Variants in MSH5 observed in about 807,000 individuals in gnomAD.
The protein encoded by MSH5 is mutS protein homolog 5.
Under a neutral mutation model 107.7 loss-of-function variants are expected in MSH5, and 78 were observed. The observed-to-expected ratio is 0.72, with a 90% confidence interval of 0.60 to 0.87. MSH5 has a LOEUF of 0.87. Among genes scored for constraint, MSH5 ranks in the 40% least tolerant of loss-of-function variants. MSH5 has a pLI of 0.00. For synonymous variants in MSH5, 326 were observed against 399.5 expected (o/e 0.82, Z 2.19); for missense variants, 889 against 1,046.6 (o/e 0.85, Z 2.08).
In MSH5 at chr6:31,740,416, C is replaced by T. The variant is rs368150060; in HGVS notation, c.-13-38C>T. 1 of 1,538,498 alleles carries T rather than the reference C, an allele frequency of 6.5e-7. No individual in the cohort carries two copies. Among genetic ancestry groups the T allele is most frequent in the Non-Finnish European group, 8.8e-7 (1 of 1,141,660 alleles). On this transcript the variant is annotated intron_variant, in intron 1 of 24. Transcript: ENST00000375750. This position sits in a 1 kb window ranked among gnomAD's most constrained non-coding sequence, Gnocchi z 4.4. Reference sequence around the variant, plus strand: ...CCCTACCCCGGCCTCCTCTGTGAATCGTTGCTTCCGAACCGCCCTCACTTT... The same window carrying T: ...CCCTACCCCGGCCTCCTCTGTGAATTGTTGCTTCCGAACCGCCCTCACTTT...
chr6:31,761,597 GC>G lies in MSH5; in HGVS notation c.2167del (p.Leu723TrpfsTer5), dbSNP rs1437592410. 2 of 1,613,986 alleles carry G rather than the reference GC, an allele frequency of 1.2e-6. No homozygotes were observed. Among genetic ancestry groups the G allele is most frequent in the African/African-American group, 2.7e-5 (2 of 74,928 alleles). ...TTCAGCTACAACTGCTGCCACAAGG[GC>G]CCCTGGTGCAGTATTTGGTGAGGAG... is the stretch of plus-strand genomic sequence containing the variant. ...LVQLQLLPQG[P>X]LVQYLTMETC... On this transcript the variant is annotated frameshift_variant, in exon 22 of 25. Transcript: ENST00000375750. LOFTEE classifies it high-confidence loss of function. The surrounding 1 kb of genome is among the most constrained non-coding windows in gnomAD (Gnocchi z 5.3).
chr6:31,740,398 C>G lies in MSH5; in HGVS notation c.-13-56C>G. On this transcript the variant is annotated intron_variant, in intron 1 of 24. Transcript: ENST00000375750. The surrounding 1 kb of genome is among the most constrained non-coding windows in gnomAD (Gnocchi z 4.4). ...TTTGCATTCTGCGCGCCACCCTACC[C>G]CGGCCTCCTCTGTGAATCGTTGCTT... The G allele has an allele frequency of 6.6e-7, 1 of 1,526,530 alleles. No individual in the cohort carries two copies. The highest frequency in any genetic ancestry group is 8.8e-7 in the Non-Finnish European group (1 of 1,134,686). 94.6% of individuals were successfully genotyped at this position (1,526,530 alleles called of 1,614,324 possible).
In MSH5 at chr6:31,759,288, T is replaced by G. The variant is rs1810748584; in HGVS notation, c.1407+111T>G. 1.4e-6 allele frequency: 2 copies of G among 1,381,122 alleles called. No individual in the cohort carries two copies. Among genetic ancestry groups the G allele is most frequent in the Non-Finnish European group, 2.1e-6 (2 of 970,574 alleles). The allele number at this position is 1,381,122 out of a possible 1,614,324, so 85.6% of individuals were successfully genotyped here. Reference sequence around the variant, plus strand: ...CAATATGGGATCTCTCCTCTGTAGTTTTACTCTGAGCTTTACCAGCACTGA... The same window carrying G: ...CAATATGGGATCTCTCCTCTGTAGTGTTACTCTGAGCTTTACCAGCACTGA... On this transcript the variant is annotated intron_variant, in intron 16 of 24. Coordinates refer to ENST00000375750, the MANE Select transcript of MSH5 (RefSeq NM_172166.4). This position sits in a 1 kb window ranked among gnomAD's most constrained non-coding sequence, Gnocchi z 4.7.
Position 31,758,416 on chromosome 6 carries a change from G to A in MSH5, c.1143+123G>A. ...ATAAAGAATGGGATGGTGGGAGGAG[G>A]CAGCAGAACTTCAGGGAAGTATCTG... On this transcript the variant is annotated intron_variant, in intron 13 of 24. Coordinates refer to ENST00000375750, the MANE Select transcript of MSH5 (RefSeq NM_172166.4). The surrounding 1 kb of genome is among the most constrained non-coding windows in gnomAD (Gnocchi z 5.1). 6.4e-7 allele frequency: 1 copy of A among 1,553,256 alleles called. No individual in the cohort carries two copies.
intron 3 of MSH5, among the ~76,000 whole-genome samples, 156 bp downstream of exon 3, chr6:31,741,442 A>C (rs1808897288): frequency 6.6e-6 from 1 of 151,434 alleles, no homozygotes; most frequent in Non-Finnish European, 1.5e-5. Context: ...GCAGTGGCGC[A>C]ATCTTGGCTC....
Position 31,759,233 on chromosome 6 carries a change from G to T in MSH5, c.1407+56G>T. 1 of 1,515,788 alleles carries T rather than the reference G, an allele frequency of 6.6e-7. No individual in the cohort carries two copies. The highest frequency in any genetic ancestry group is 9.2e-7 in the Non-Finnish European group (1 of 1,092,544). 93.9% of individuals were successfully genotyped at this position (1,515,788 alleles called of 1,614,324 possible). ...ATGAGGAAAATGAGTCAGCAGCTGA[G>T]GAAGAGCGTTACTCTACAGCAGCAC... On this transcript the variant is annotated intron_variant, in intron 16 of 24. Coordinates refer to ENST00000375750, the MANE Select transcript of MSH5 (RefSeq NM_172166.4). The surrounding 1 kb of genome is among the most constrained non-coding windows in gnomAD (Gnocchi z 4.7).
chr6:31,752,504 G>A (rs1038265166), intron 10 of MSH5, among the ~76,000 whole-genome samples: 5 of 152,022 alleles, frequency 3.3e-5, no homozygotes, highest in Non-Finnish European at 7.4e-5. Context: ...GGCAGATCAC[G>A]AGGTCAAGAG....
intron 10 of MSH5, among the ~76,000 whole-genome samples, chr6:31,750,529 C>A (rs1809856349): frequency 1.3e-5 from 2 of 152,210 alleles, no homozygotes; most frequent in South Asian, 4.1e-4. Context: ...TTCATTTTCT[C>A]AGTTGTTAAA....
chr6:31,743,658 A>G (rs1055508015), intron 5 of MSH5, among the ~76,000 whole-genome samples: 1 of 152,214 alleles, frequency 6.6e-6, no homozygotes, highest in Non-Finnish European at 1.5e-5. Flanking sequence ...ACAGATGTCT[A>G]CTTTCCTCAG....
At chr6:31,749,577 A>T (rs1809773776) in intron 10 of MSH5, among the ~76,000 whole-genome samples, 1 of 151,876 alleles carries the variant, frequency 6.6e-6, no homozygotes, top group Non-Finnish European at 1.5e-5. Flanking sequence ...TCAAGGTGCA[A>T]TCCAACTGTT....
At chr6:31,744,136 C>A in intron 6 of MSH5, 54 bp from the exon 7 acceptor site, 10 of 1,593,864 alleles carry the variant, frequency 6.3e-6, no homozygotes, top group Non-Finnish European at 8.5e-6. Context: ...TGGTGCTCTG[C>A]AGCCCCCAGG....
At position 31,761,356 on chromosome 6, in the gene MSH5, A is replaced by G; in HGVS notation, c.2037+94A>G. The G allele has an allele frequency of 1.1e-5, 17 of 1,605,318 alleles. No homozygotes were observed. The highest frequency in any genetic ancestry group is 2.2e-5 in the East Asian group (1 of 44,796). ...AGTGAGGCTGGGCCTCTGGAATGGAATAGGGCTGTGTGGGCAGAAAAGAAA... is the reference window on the plus strand; with the variant it reads ...AGTGAGGCTGGGCCTCTGGAATGGAGTAGGGCTGTGTGGGCAGAAAAGAAA... On this transcript the variant is annotated intron_variant, in intron 21 of 24. Transcript: ENST00000375750. This position sits in a 1 kb window ranked among gnomAD's most constrained non-coding sequence, Gnocchi z 5.3.
Position 31,740,646 on chromosome 6 carries a change from G to A in MSH5, c.147+33G>A. The A allele has an allele frequency of 6.9e-7, 1 of 1,459,820 alleles. No homozygotes were observed. The highest frequency in any genetic ancestry group is 9.0e-7 in the Non-Finnish European group (1 of 1,105,304). The allele number at this position is 1,459,820 out of a possible 1,614,324, so 90.4% of individuals were successfully genotyped here. A position where few individuals can be genotyped will look rare whatever the true frequency, so the allele number is the denominator to read the frequency against. ...AGGGGAGTAGAAACTTGAATGGAGAGTTGATGGGAAGTTAGAATAAAAGAG... is the reference window on the plus strand; with the variant it reads ...AGGGGAGTAGAAACTTGAATGGAGAATTGATGGGAAGTTAGAATAAAAGAG... On this transcript the variant is annotated intron_variant, in intron 2 of 24. Coordinates refer to ENST00000375750, the MANE Select transcript of MSH5 (RefSeq NM_172166.4). The surrounding 1 kb of genome is among the most constrained non-coding windows in gnomAD (Gnocchi z 4.4).
intron 12 of MSH5, 110 bp downstream of exon 12, chr6:31,753,739 T>C: frequency 9.0e-7 from 1 of 1,112,734 alleles, no homozygotes; most frequent in Non-Finnish European, 1.3e-6. Context: ...CCCTCTTTTT[T>C]TTTTTTTTGG....
Position 31,761,531 on chromosome 6 carries a change from A to G in MSH5, c.2097A>G (p.Thr699=). 2 of 1,613,800 alleles carry G rather than the reference A, an allele frequency of 1.2e-6. No homozygotes were observed. Among genetic ancestry groups the G allele is most frequent in the South Asian group, 1.1e-5 (1 of 91,084 alleles). Residue 699 remains threonine, a synonymous_variant, in exon 22 of 25, where the codon ACA becomes ACG. Coordinates refer to ENST00000375750, the MANE Select transcript of MSH5 (RefSeq NM_172166.4). This position sits in a 1 kb window ranked among gnomAD's most constrained non-coding sequence, Gnocchi z 5.3. ...GACACTGGCTGGCACGTGGACCCAC[A>G]TGCCCCCACATCTTTGTGGCCACCA... ...VLRHWLARGP[T]CPHIFVATNF... is the part of the protein sequence containing the mutation.
chr6:31,759,866 GC>G lies in MSH5; in HGVS notation c.1578del (p.Ser527ProfsTer39). ...AAVLTRVLDL[A>X]SRLDVLLALA... ...TGTCTTAACCCGAGTATTGGACCTTGCCTCCCGCCTGGACGTCCTGCTGGCT... is the reference window on the plus strand; with the variant it reads ...TGTCTTAACCCGAGTATTGGACCTTGCTCCCGCCTGGACGTCCTGCTGGCT... On this transcript the variant is annotated frameshift_variant, in exon 18 of 25. Transcript: ENST00000375750. LOFTEE classifies it high-confidence loss of function. This position sits in a 1 kb window ranked among gnomAD's most constrained non-coding sequence, Gnocchi z 4.7. The G allele has an allele frequency of 1.2e-6, 2 of 1,614,142 alleles. No homozygotes were observed. The highest frequency in any genetic ancestry group is 1.7e-6 in the Non-Finnish European group (2 of 1,180,038).
At chr6:31,747,362 T>G in intron 9 of MSH5, 25 bp from the exon 10 acceptor site, 1 of 1,612,718 alleles carries the variant, frequency 6.2e-7, no homozygotes. Flanking sequence ...TGTAACAAGT[T>G]CACTCCCTGC....
rs1014071810 is a variant in MSH5 at position 31,759,656 on chromosome 6, C to A, written c.1496-130C>A. The stretch of plus-strand genomic sequence containing the variant: ...TCTGTCTCGCTCACTCTGACTCTAT[C>A]TTTTCCTCTGAATGTCTTGAGGTCT... On this transcript the variant is annotated intron_variant, in intron 17 of 24. Coordinates refer to ENST00000375750, the MANE Select transcript of MSH5 (RefSeq NM_172166.4). The surrounding 1 kb of genome is among the most constrained non-coding windows in gnomAD (Gnocchi z 4.7). 7 of 1,362,006 alleles carry A rather than the reference C, an allele frequency of 5.1e-6. No individual in the cohort carries two copies. The highest frequency in any genetic ancestry group is 7.1e-6 in the Non-Finnish European group (7 of 979,986). The allele number at this position is 1,362,006 out of a possible 1,614,324, so 84.4% of individuals were successfully genotyped here.
chr6:31,755,678 T>C (rs1810390261), intron 12 of MSH5, among the ~76,000 whole-genome samples: 1 of 152,060 alleles, frequency 6.6e-6, no homozygotes, highest in African/African-American at 2.4e-5. Flanking sequence ...TTATTTTTTG[T>C]AGAGACAGGA....
Sources: gnomAD v4.1 joint callset for allele counts (sites outside exome capture counted in the v4.1 genomes callset) on GRCh38, gnomAD v4.1.1 for gene constraint, Gnocchi (gnomAD v3.1) non-coding constraint, MANE v1.5 for transcripts, NCBI Gene and HGNC (gene_info 2026-07-23, HGNC 2026-07-21) for gene names.